CSMD2: variants seen among roughly 807,000 people sequenced by gnomAD.
CSMD2 encodes the protein CUB and Sushi multiple domains 2, also known as CUB and sushi domain-containing protein 2.
A neutral mutation model predicts 398.5 loss-of-function variants in CSMD2; 130 were observed. The observed-to-expected ratio is 0.33, with a 90% CI of 0.28 to 0.38. The LOEUF is 0.38. Among genes scored for constraint, CSMD2 ranks in the 10% least tolerant of loss-of-function variants. The pLI is 1.00. For missense variants in CSMD2, 3,829 were observed against 4,764.9 expected, an observed-to-expected ratio of 0.80 and a Z score of 5.78; for synonymous variants, 1,828 against 1,908.5, an observed-to-expected ratio of 0.96 and a Z score of 1.10.
chr1:33,793,831 G>T (rs1305391291), intron 10 of CSMD2, among the ~76,000 whole-genome samples: 2 of 152,118 alleles, frequency 1.3e-5, no homozygotes, highest in African/African-American at 4.8e-5. Flanking sequence ...GGGAGGGAAA[G>T]ATCCAGGATA....
At chr1:33,894,397 T>C (rs1324448952) in intron 5 of CSMD2, among the ~76,000 whole-genome samples, 1 of 152,232 alleles carries the variant, frequency 6.6e-6, no homozygotes, top group Non-Finnish European at 1.5e-5. Flanking sequence ...TAGGCCACTT[T>C]GCCCATGTGC....
chr1:33,725,271 G>T (rs1646491608), intron 17 of CSMD2, 78 bp downstream of exon 17: 3 of 1,229,428 alleles, frequency 2.4e-6, no homozygotes, highest in African/African-American at 3.0e-5. Context: ...AGGGGCCTGT[G>T]GTGGAGCACA....
intron 3 of CSMD2, among the ~76,000 whole-genome samples, chr1:33,994,332 C>G (rs1324222015): frequency 6.6e-6 from 1 of 151,920 alleles, no homozygotes; most frequent in Non-Finnish European, 1.5e-5. Context: ...TTTCATTGAG[C>G]TGGGAAGGCC....
chr1:34,011,906 G>A (rs971817210), intron 3 of CSMD2, among the ~76,000 whole-genome samples: 5 of 152,012 alleles, frequency 3.3e-5, no homozygotes, highest in African/African-American at 1.2e-4. Context: ...TAACCCATAA[G>A]CACGTTCTGA....
At chr1:33,841,007 T>C (rs1660795302) in intron 6 of CSMD2, among the ~76,000 whole-genome samples, 1 of 152,234 alleles carries the variant, frequency 6.6e-6, no homozygotes, top group South Asian at 2.1e-4. Context: ...ATAAAAAGCC[T>C]CAACCATCTC....
intron 3 of CSMD2, among the ~76,000 whole-genome samples, chr1:34,010,957 G>C (rs1461701218): frequency 6.6e-6 from 1 of 152,114 alleles, no homozygotes; most frequent in African/African-American, 2.4e-5. Flanking sequence ...TTCTGCCTTG[G>C]GAAGGCCTAG....
At chr1:33,987,758 T>A (rs745707889) in intron 3 of CSMD2, among the ~76,000 whole-genome samples, 19 of 152,160 alleles carry the variant, frequency 1.2e-4, no homozygotes, top group Non-Finnish European at 2.6e-4. Context: ...ACTTTACCCA[T>A]GCACTCACCT....
At chr1:33,733,452 T>C (rs894098824) in intron 15 of CSMD2, among the ~76,000 whole-genome samples, 4 of 152,238 alleles carry the variant, frequency 2.6e-5, no homozygotes, top group African/African-American at 7.2e-5. Flanking sequence ...CATAACCATT[T>C]TGAGCTTCAG....
chr1:33,831,776 G>C (rs1377505757), intron 6 of CSMD2, among the ~76,000 whole-genome samples: 1 of 151,816 alleles, frequency 6.6e-6, no homozygotes, highest in Non-Finnish European at 1.5e-5. Context: ...CATCTCACGT[G>C]CAGAGACACA....
At chr1:33,951,894 C>T (rs1316647676) in intron 3 of CSMD2, among the ~76,000 whole-genome samples, 3 of 152,246 alleles carry the variant, frequency 2.0e-5, no homozygotes, top group Non-Finnish European at 4.4e-5. Flanking sequence ...TTGGCCTCTG[C>T]AGTTGCTGGC....
chr1:33,617,624 A>G lies in CSMD2; in HGVS notation c.5828-7T>C, dbSNP rs776935447. The G allele has an allele frequency of 1.2e-6, 2 of 1,609,378 alleles. No individual in the cohort carries two copies. Among genetic ancestry groups the G allele is most frequent in the Admixed American group, 3.3e-5 (2 of 60,020 alleles). On this transcript the variant is annotated splice_polypyrimidine_tract_variant and splice_region_variant and intron_variant, in intron 37 of 70. Coordinates refer to ENST00000373381, the MANE Select transcript of CSMD2 (RefSeq NM_001281956.2). ...CAACTGCTCAGGCCCACCGCTAGAC[A>G]AGACAGAGACAGAAGGAAAGGAGAA...
rs1478209582 is a variant in CSMD2 at position 34,036,454 on chromosome 1, T to A, written c.405-3748A>T. Among the ~76,000 whole-genome samples the A allele has an allele frequency of 2.0e-5, 3 of 152,164 alleles. No homozygotes were observed. In the East Asian group the frequency reaches 5.8e-4, roughly 29 times the overall value. On this transcript the variant is annotated intron_variant, in intron 2 of 70. Coordinates refer to ENST00000373381, the MANE Select transcript of CSMD2 (RefSeq NM_001281956.2). The stretch of plus-strand genomic sequence containing the variant: ...CCATGTGATTCAATTTATATAACAT[T>A]CTAGAGATGATAAAATTAAAGAGAT...
intron 33 of CSMD2, among the ~76,000 whole-genome samples, chr1:33,626,056 G>T (rs1479401125): frequency 2.0e-5 from 3 of 152,222 alleles, no homozygotes; most frequent in Non-Finnish European, 4.4e-5. Context: ...AGCCTAGCTC[G>T]AAGGTGGGGA....
intron 2 of CSMD2, among the ~76,000 whole-genome samples, chr1:34,057,686 T>A (rs574353593): frequency 2.0e-5 from 3 of 152,284 alleles, no homozygotes; most frequent in Non-Finnish European, 4.4e-5. Flanking sequence ...TTGTCCCCAG[T>A]GCCTGATAAT....
intron 3 of CSMD2, among the ~76,000 whole-genome samples, chr1:33,948,305 C>A (rs1248582068): frequency 6.6e-6 from 1 of 152,180 alleles, no homozygotes; most frequent in African/African-American, 2.4e-5. Context: ...ATGGACTCTA[C>A]CCTCTGCCTT....
At chr1:33,841,625 T>C (rs1001742516) in intron 6 of CSMD2, among the ~76,000 whole-genome samples, 3 of 146,382 alleles carry the variant, frequency 2.0e-5, no homozygotes, top group African/African-American at 5.0e-5. Context: ...ACAACCTCAA[T>C]AGGCCTACCA....
At chr1:34,137,618 C>G (rs1262278755) in intron 1 of CSMD2, among the ~76,000 whole-genome samples, 2 of 152,202 alleles carry the variant, frequency 1.3e-5, no homozygotes, top group Non-Finnish European at 2.9e-5. Context: ...ACCAGCGCTC[C>G]TGGCCCAGTG....
Position 33,636,408 on chromosome 1 carries a change from C to T in CSMD2, c.4921G>A (p.Gly1641Arg), listed in dbSNP as rs1395351098. The T allele has an allele frequency of 6.2e-7, 1 of 1,613,902 alleles. No individual in the cohort carries two copies. The highest frequency in any genetic ancestry group is 8.5e-7 in the Non-Finnish European group (1 of 1,179,922). The change falls in exon 30 of 71, where the codon GGG becomes AGG. Residue 1641 changes from glycine to arginine, a missense_variant. Gly to Arg is a moderately radical substitution (Grantham distance 125, BLOSUM62 -2). Transcript: ENST00000373381. This position sits in a 1 kb window ranked among gnomAD's most constrained non-coding sequence, Gnocchi z 4.8. ...TTCCACACGGGCTTCCCATCAGGCC[C>T]CAGGATGCAGCTCAGGGTCGAGGTG... is the stretch of plus-strand genomic sequence containing the variant. ...EGTSTLSCIL[G>R]PDGKPVWNNP...
In CSMD2 at chr1:33,636,275, C is replaced by T; in HGVS notation, c.4969+85G>A. ...GGAGCCGGGCTTGAGGACCTTGCCC[C>T]CCTCCCTTCCCCAGCCCACAGCACC... On this transcript the variant is annotated intron_variant, in intron 30 of 70. Coordinates refer to ENST00000373381, the MANE Select transcript of CSMD2 (RefSeq NM_001281956.2). The surrounding 1 kb of genome is among the most constrained non-coding windows in gnomAD (Gnocchi z 4.8). 4.4e-6 allele frequency: 6 copies of T among 1,361,470 alleles called. No individual in the cohort carries two copies. Among genetic ancestry groups the T allele is most frequent in the South Asian group, 2.8e-5 (2 of 70,916 alleles). 84.3% of individuals were successfully genotyped at this position (1,361,470 alleles called of 1,614,324 possible). A position where few individuals can be genotyped will look rare whatever the true frequency, so the allele number is the denominator to read the frequency against.
Sources: gnomAD v4.1 joint callset for allele counts (sites outside exome capture counted in the v4.1 genomes callset) on GRCh38, gnomAD v4.1.1 for gene constraint, Gnocchi (gnomAD v3.1) non-coding constraint, MANE v1.5 for transcripts, NCBI Gene and HGNC (gene_info 2026-07-23, HGNC 2026-07-21) for gene names.